Variants in SLC24A3 observed in about 807,000 individuals in gnomAD.
SLC24A3 encodes solute carrier family 24 member 3.
In SLC24A3, 28 loss-of-function variants were observed where a neutral mutation model predicts 75.8. The observed-to-expected ratio is 0.37, with a 90% confidence interval of 0.27 to 0.51. SLC24A3 has a LOEUF of 0.51. Among genes scored for constraint, SLC24A3 ranks in the 20% least tolerant of loss-of-function variants. SLC24A3 has a pLI of 0.94. For missense variants in SLC24A3, 663 were observed against 847.8 expected (o/e 0.78, Z 2.71); for synonymous variants, 372 against 334.1 (o/e 1.11, Z -1.24).
intron 6 of SLC24A3, among the ~76,000 whole-genome samples, chr20:19,596,676 G>A (rs1365838698): frequency 6.6e-6 from 1 of 152,144 alleles, no homozygotes; most frequent in East Asian, 1.9e-4. Context: ...AGCCCTGATT[G>A]GCTCCTTCTA....
intron 2 of SLC24A3, among the ~76,000 whole-genome samples, chr20:19,346,460 A>G (rs1010065485): frequency 2.7e-5 from 4 of 150,290 alleles, no homozygotes; most frequent in Admixed American, 2.0e-4. Context: ...ACCATATACC[A>G]TGGAATACTA....
At chr20:19,484,418 A>C (rs887114501) in intron 2 of SLC24A3, among the ~76,000 whole-genome samples, 1 of 152,182 alleles carries the variant, frequency 6.6e-6, no homozygotes, top group African/African-American at 2.4e-5. Flanking sequence ...TTGACACAAA[A>C]AATTTTAGAT....
intron 16 of SLC24A3, 100 bp from the exon 17 acceptor site, chr20:19,720,891 A>T: frequency 7.2e-7 from 1 of 1,390,380 alleles, no homozygotes; most frequent in Non-Finnish European, 9.8e-7. Flanking sequence ...CGAGGCCCAT[A>T]GTCAGCAGCC....
chr20:19,482,189 C>T (rs1343253928), intron 2 of SLC24A3, among the ~76,000 whole-genome samples: 1 of 152,234 alleles, frequency 6.6e-6, no homozygotes, highest in Non-Finnish European at 1.5e-5. Context: ...AAGACCAACA[C>T]TTCAACCTGA....
chr20:19,256,335 G>C (rs1982813248), intron 1 of SLC24A3, among the ~76,000 whole-genome samples: 1 of 152,146 alleles, frequency 6.6e-6, no homozygotes, highest in Admixed American at 6.5e-5. Flanking sequence ...GGTCAAGAGG[G>C]TAACAGGGAG....
intron 2 of SLC24A3, among the ~76,000 whole-genome samples, chr20:19,456,924 T>G (rs6035342): frequency 6.6e-6 from 1 of 152,224 alleles, no homozygotes; most frequent in Non-Finnish European, 1.5e-5. Context: ...AAGATGATAC[T>G]GTGACTTTGT....
intron 2 of SLC24A3, among the ~76,000 whole-genome samples, chr20:19,396,890 T>C (rs1986463048): frequency 6.6e-6 from 1 of 152,216 alleles, no homozygotes; most frequent in Non-Finnish European, 1.5e-5. Flanking sequence ...CATGTGTGAA[T>C]GTTCTTTTGC....
At chr20:19,372,101 T>C (rs1330227881) in intron 2 of SLC24A3, among the ~76,000 whole-genome samples, 1 of 152,204 alleles carries the variant, frequency 6.6e-6, no homozygotes, top group East Asian at 1.9e-4. Flanking sequence ...GGACATGCTC[T>C]TACACAAGGA....
chr20:19,377,690 T>C (rs1986108959), intron 2 of SLC24A3, among the ~76,000 whole-genome samples: 1 of 152,240 alleles, frequency 6.6e-6, no homozygotes, highest in Admixed American at 6.5e-5. Flanking sequence ...GATCTTCCCA[T>C]GTTTTGTCCT....
At chr20:19,397,334 C>T (rs1201879945) in intron 2 of SLC24A3, among the ~76,000 whole-genome samples, 1 of 152,192 alleles carries the variant, frequency 6.6e-6, no homozygotes, top group Non-Finnish European at 1.5e-5. Context: ...CAGTTAGGTT[C>T]TTGCCAAAGG....
intron 15 of SLC24A3, among the ~76,000 whole-genome samples, chr20:19,706,374 G>C (rs1158172043): frequency 1.3e-5 from 2 of 152,164 alleles, no homozygotes; most frequent in African/African-American, 2.4e-5. Flanking sequence ...TCTCCTAAGG[G>C]CTGCCTATAC....
chr20:19,559,479 G>A (rs1002504780), intron 3 of SLC24A3, among the ~76,000 whole-genome samples: 2 of 152,000 alleles, frequency 1.3e-5, no homozygotes, highest in African/African-American at 2.4e-5. Context: ...GTTTGGTTTC[G>A]TTTGATGTGG....
At chr20:19,403,747 TG>T (rs959724284) in intron 2 of SLC24A3, among the ~76,000 whole-genome samples, 2 of 152,086 alleles carry the variant, frequency 1.3e-5, no homozygotes, top group Admixed American at 6.6e-5. Flanking sequence ...GCATGCGGAC[TG>T]GCCCTGGGGA....
intron 2 of SLC24A3, among the ~76,000 whole-genome samples, chr20:19,445,307 T>C (rs1366934475): frequency 6.6e-6 from 1 of 152,180 alleles, no homozygotes; most frequent in Non-Finnish European, 1.5e-5. Context: ...ACATCAACAA[T>C]GTGGACCTCA....
At chr20:19,717,412 G>A (rs1005404416) in intron 15 of SLC24A3, 116 bp from the exon 16 acceptor site, 3 of 924,922 alleles carry the variant, frequency 3.2e-6, no homozygotes, top group Admixed American at 4.3e-5. Context: ...TCATTCTAGA[G>A]GGGAGATGTG....
At chr20:19,392,195 GTAATTC>G (rs11470432) in intron 2 of SLC24A3, among the ~76,000 whole-genome samples, 17,053 of 152,126 alleles carry the variant, frequency 0.11, 1,424 homozygotes, top group East Asian at 0.32. Flanking sequence ...AGCCTGAGTT[GTAATTC>G]TAAGGGGTAA....
At chr20:19,227,553 T>G (rs982110627) in intron 1 of SLC24A3, among the ~76,000 whole-genome samples, 11 of 152,330 alleles carry the variant, frequency 7.2e-5, no homozygotes, top group Admixed American at 5.2e-4. Context: ...AACTCTTTAC[T>G]TCATTTGGAA....
chr20:19,489,728 G>T (rs1179790517), intron 2 of SLC24A3, among the ~76,000 whole-genome samples: 1 of 151,994 alleles, frequency 6.6e-6, no homozygotes, highest in South Asian at 2.1e-4. Context: ...TGTGGGTCCC[G>T]AATTGTCTTT....
intron 3 of SLC24A3, among the ~76,000 whole-genome samples, chr20:19,531,105 A>G (rs2030289884): frequency 1.3e-5 from 2 of 150,866 alleles, no homozygotes; most frequent in African/African-American, 5.0e-5. Flanking sequence ...GAACCTGTCC[A>G]CATGCATCAG....
Sources: allele counts gnomAD v4.1 joint callset (sites outside exome capture counted in the v4.1 genomes callset), GRCh38; gene constraint gnomAD v4.1.1; transcripts MANE v1.5; gene names NCBI Gene and HGNC (gene_info 2026-07-23, HGNC 2026-07-21).